Variants in GH2 observed in about 807,000 individuals in gnomAD.
The protein encoded by GH2 is growth hormone variant.
Under a neutral mutation model 24.1 loss-of-function variants are expected in GH2, and 17 were observed. The observed-to-expected ratio is 0.71, with a 90% CI of 0.48 to 1.06. GH2 has a LOEUF of 1.06. GH2 is among the 50% of genes least tolerant of loss of function. The pLI is 0.00. For synonymous variants in GH2, 126 were observed against 118.7 expected, an observed-to-expected ratio of 1.06 and a Z score of -0.40; for missense variants, 305 against 273.1, an observed-to-expected ratio of 1.12 and a Z score of -0.82.
Position 63,881,835 on chromosome 17 carries a change from T to G in GH2, c.-34A>C. ...GGTGAGCTGTCCACAGGACCCTGAG[T>G]GGTTCGGGGAGTTGGGCCTTGGGAT... is the stretch of plus-strand genomic sequence containing the variant. On this transcript the variant is annotated 5_prime_UTR_variant, in exon 1 of 5. Transcript: ENST00000423893. 1 of 1,613,644 alleles carries G rather than the reference T, an allele frequency of 6.2e-7. No individual in the cohort carries two copies. Among genetic ancestry groups the G allele is most frequent in the South Asian group, 1.1e-5 (1 of 91,058 alleles).
Position 63,880,301 on chromosome 17 carries a change from C to G in GH2, c.*20G>C. On this transcript the variant is annotated 3_prime_UTR_variant, in exon 5 of 5. Transcript: ENST00000423893. Reference sequence around the variant, plus strand: ...CAGGAGAGGCACTGGGGAGGGGTCACAGGGATGCCACCCGGGCAGCTAGAA... The same window carrying G: ...CAGGAGAGGCACTGGGGAGGGGTCAGAGGGATGCCACCCGGGCAGCTAGAA... The G allele has an allele frequency of 1.9e-6, 3 of 1,613,798 alleles. No homozygotes were observed. Among genetic ancestry groups the G allele is most frequent in the Non-Finnish European group, 2.5e-6 (3 of 1,179,796 alleles).
chr17:63,881,416 G>C lies in GH2; in HGVS notation c.114C>G (p.Asn38Lys), dbSNP rs138272443. 6.2e-7 allele frequency: 1 copy of C among 1,613,980 alleles called. No homozygotes were observed. The highest frequency in any genetic ancestry group is 1.7e-5 in the Admixed American group (1 of 60,002). The change falls in exon 2 of 5, where the codon AAC (asparagine) becomes AAG (lysine). Residue 38 changes from asparagine to lysine, a missense_variant. Asn to Lys is a moderately conservative substitution (Grantham distance 94). Coordinates refer to ENST00000423893, the MANE Select transcript of GH2 (RefSeq NM_002059.5). The stretch of plus-strand genomic sequence containing the variant: ...ACAGGCGACGGGCGCGGAGCATAGC[G>C]TTGTCAAAAAGCCTGGATAAGGGAA... Reference protein sequence around the residue: ...PTIPLSRLFDNAMLRARRLYQ... With the variant: ...PTIPLSRLFDKAMLRARRLYQ...
chr17:63,880,491 C>G lies in GH2; in HGVS notation c.484G>C (p.Gly162Arg). 1 of 1,613,804 alleles carries G rather than the reference C, an allele frequency of 6.2e-7. No individual in the cohort carries two copies. Among genetic ancestry groups the G allele is most frequent in the Admixed American group, 1.7e-5 (1 of 60,002 alleles). ...WRLEDGSPRT[G>R]QIFNQSYSKF... ...CTGTAGGACTGATTGAAGATCTGCC[C>G]AGTCCGGGGGCTGCCATCTTCCAGC... The change falls in exon 5 of 5, where the codon GGG becomes CGG. Residue 162 changes from glycine to arginine, a missense_variant. By Grantham distance (125) the Gly-to-Arg change is moderately radical. Coordinates refer to ENST00000423893, the MANE Select transcript of GH2 (RefSeq NM_002059.5).
In GH2 at chr17:63,880,971, C is replaced by CG. The variant is rs1199130563; in HGVS notation, c.292-36dup. ...AAGGACCGGCAGTGGCTGTGCTGCCCGGGGGCTCTGACCACAGGTCTACCC... is the reference window on the plus strand; with the variant it reads ...AAGGACCGGCAGTGGCTGTGCTGCCCGGGGGGCTCTGACCACAGGTCTACCC... On this transcript the variant is annotated intron_variant, in intron 3 of 4. Coordinates refer to ENST00000423893, the MANE Select transcript of GH2 (RefSeq NM_002059.5). 3.7e-6 allele frequency: 6 copies of CG among 1,614,060 alleles called. No individual in the cohort carries two copies. The South Asian group carries it at 4.4e-5, about 12-fold the overall frequency.
chr17:63,880,548 C>T, intron 4 of GH2, 30 bp from the exon 5 acceptor site: 2 of 1,613,812 alleles, frequency 1.2e-6, no homozygotes, highest in Non-Finnish European at 1.7e-6. Flanking sequence ...AAGGAGAGGC[C>T]AAGCGCTTGG....
At position 63,880,414 on chromosome 17, in the gene GH2, C is replaced by A; in HGVS notation, c.561G>T (p.Gly187=). The A allele has an allele frequency of 6.2e-7, 1 of 1,613,764 alleles. No homozygotes were observed. Among genetic ancestry groups the A allele is most frequent in the South Asian group, 1.1e-5 (1 of 91,068 alleles). ...TGTCCTTCCTGAAGCAGTAGAGCAG[C>A]CCGTAGTTCTTGAGCAGTGCGTCAT... ...HNDDALLKNY[G]LLYCFRKDMD... is the part of the protein sequence containing the mutation. The change falls in exon 5 of 5, where the codon GGG becomes GGT. Residue 187 remains glycine, a synonymous_variant. Coordinates refer to ENST00000423893, the MANE Select transcript of GH2 (RefSeq NM_002059.5).
Position 63,880,485 on chromosome 17 carries a change from T to A in GH2, c.490A>T (p.Ile164Phe), listed in dbSNP as rs369036665. ...LEDGSPRTGQ[I>F]FNQSYSKFDT... ...AACTTGCTGTAGGACTGATTGAAGA[T>A]CTGCCCAGTCCGGGGGCTGCCATCT... Residue 164 changes from isoleucine (I) to phenylalanine (F), a missense_variant, in exon 5 of 5, where the codon ATC becomes TTC. By Grantham distance (21) the Ile-to-Phe change is conservative. Transcript: ENST00000423893. The A allele has an allele frequency of 2.5e-6, 4 of 1,613,722 alleles. No individual in the cohort carries two copies. In the African/African-American group the frequency reaches 5.3e-5, roughly 22 times the overall value.
chr17:63,880,535 G>A lies in GH2; in HGVS notation c.457-17C>T, dbSNP rs1555586566. 3.7e-6 allele frequency: 6 copies of A among 1,613,854 alleles called. No homozygotes were observed. Among genetic ancestry groups the A allele is most frequent in the East Asian group, 2.2e-5 (1 of 44,880 alleles). ...TTCCAGCCTCTGCAAAGTGAAGGAA[G>A]AGAAGGAGAGGCCAAGCGCTTGGGC... is the stretch of plus-strand genomic sequence containing the variant. On this transcript the variant is annotated splice_polypyrimidine_tract_variant and intron_variant, in intron 4 of 4. Transcript: ENST00000423893.
chr17:63,881,089 G>C lies in GH2; in HGVS notation c.231C>G (p.Ser77=). 1 of 1,614,058 alleles carries C rather than the reference G, an allele frequency of 6.2e-7. No homozygotes were observed. The highest frequency in any genetic ancestry group is 8.5e-7 in the Non-Finnish European group (1 of 1,179,928). ...TTGGAATAGACTCTGAGAAGCAGAG[G>C]GAGGTCTGGGGGTTCTGCAGGAATG... The part of the protein sequence containing the change: ...KYSFLQNPQT[S]LCFSESIPTP... Residue 77 remains serine (S), a synonymous_variant, in exon 3 of 5, where the codon TCC becomes TCG. Transcript: ENST00000423893.
In GH2 at chr17:63,880,796, C is replaced by T; in HGVS notation, c.432G>A (p.Glu144=). ...CCCACATCAGCGTTTGGATGCCTTC[C>T]TCTAGGTCCTTCAGGTGGCGATAGA... ...SNVYRHLKDL[E]EGIQTLMWRL... Residue 144 remains glutamate (E), a synonymous_variant, in exon 4 of 5, where the codon GAG becomes GAA. Coordinates refer to ENST00000423893, the MANE Select transcript of GH2 (RefSeq NM_002059.5). 1 of 1,614,104 alleles carries T rather than the reference C, an allele frequency of 6.2e-7. No individual in the cohort carries two copies. Among genetic ancestry groups the T allele is most frequent in the Admixed American group, 1.7e-5 (1 of 60,018 alleles).
chr17:63,881,300 C>CG, intron 2 of GH2, 59 bp downstream of exon 2: 1 of 1,610,700 alleles, frequency 6.2e-7, no homozygotes, highest in Non-Finnish European at 8.5e-7. Context: ...TACTTCCCAG[C>CG]GGGGGAAAGT....
At position 63,880,994 on chromosome 17, in the gene GH2, C is replaced by T. The variant is rs1276307147; in HGVS notation, c.291+35G>A. The T allele has an allele frequency of 5.0e-6, 8 of 1,613,982 alleles. No homozygotes were observed. In the African/African-American group the frequency reaches 9.3e-5, roughly 19 times the overall value. On this transcript the variant is annotated intron_variant, in intron 3 of 4. Coordinates refer to ENST00000423893, the MANE Select transcript of GH2 (RefSeq NM_002059.5). Reference sequence around the variant, plus strand: ...CCCGGGGGCTCTGACCACAGGTCTACCCCATCCCCACCTGGGGAGAAGGCA... The same window carrying T: ...CCCGGGGGCTCTGACCACAGGTCTATCCCATCCCCACCTGGGGAGAAGGCA...
chr17:63,880,795 C>A lies in GH2; in HGVS notation c.433G>T (p.Glu145Ter). 6.2e-7 allele frequency: 1 copy of A among 1,614,090 alleles called. No individual in the cohort carries two copies. Among genetic ancestry groups the A allele is most frequent in the Non-Finnish European group, 8.5e-7 (1 of 1,179,964 alleles). The change falls in exon 4 of 5, where the codon GAA (glutamate) becomes TAA (stop). Residue 145 changes from glutamate to a stop codon, truncating the protein, a stop_gained. Coordinates refer to ENST00000423893, the MANE Select transcript of GH2 (RefSeq NM_002059.5). LOFTEE classifies it high-confidence loss of function. ...NVYRHLKDLE[E>*]GIQTLMWRLE... The stretch of plus-strand genomic sequence containing the variant: ...ACCCACATCAGCGTTTGGATGCCTT[C>A]CTCTAGGTCCTTCAGGTGGCGATAG...
chr17:63,881,006 C>A (rs1268987149), intron 3 of GH2, 23 bp downstream of exon 3: 1 of 1,614,080 alleles, frequency 6.2e-7, no homozygotes, highest in South Asian at 1.1e-5. Flanking sequence ...CCATCCCCAC[C>A]TGGGGAGAAG....
Position 63,881,914 on chromosome 17 carries a change from T to A in GH2, c.-113A>T, listed in dbSNP as rs771218585. The A allele has an allele frequency of 2.4e-5, 38 of 1,607,076 alleles. No individual in the cohort carries two copies. The highest frequency in any genetic ancestry group is 3.1e-5 in the Non-Finnish European group (36 of 1,176,268). ...TTATACCTGGCCCCTTCTCTCTCGC[T>A]GCTTCTCCTCACCTGTTTCTCTGCA... is the stretch of plus-strand genomic sequence containing the variant. On this transcript the variant is annotated 5_prime_UTR_variant, in exon 1 of 5. Transcript: ENST00000423893.
chr17:63,881,175 C>A, intron 2 of GH2, 27 bp from the exon 3 acceptor site: 1 of 1,614,054 alleles, frequency 6.2e-7, no homozygotes, highest in Non-Finnish European at 8.5e-7. Context: ...CCACCAAGGT[C>A]TATGCTGGAG....
intron 4 of GH2, 53 bp from the exon 5 acceptor site, chr17:63,880,571 C>T: frequency 6.2e-7 from 1 of 1,613,868 alleles, no homozygotes; most frequent in East Asian, 2.2e-5. Context: ...ACTGTTCCCT[C>T]CCTCTCTCAT....
In GH2 at chr17:63,880,782, G is replaced by A. The variant is rs1386473073; in HGVS notation, c.446C>T (p.Thr149Met). Residue 149 changes from threonine to methionine, a missense_variant, in exon 4 of 5, where the codon ACG becomes ATG. Thr to Met is a moderately conservative substitution (Grantham distance 81). Coordinates refer to ENST00000423893, the MANE Select transcript of GH2 (RefSeq NM_002059.5). Reference protein sequence around the residue: ...HLKDLEEGIQTLMWRLEDGSP... With the variant: ...HLKDLEEGIQMLMWRLEDGSP... ...TGGTGCCACCCTCACCCACATCAGC[G>A]TTTGGATGCCTTCCTCTAGGTCCTT... The A allele has an allele frequency of 2.5e-6, 4 of 1,614,068 alleles. No homozygotes were observed. The Admixed American group carries it at 6.7e-5, about 27-fold the overall frequency.
Position 63,881,455 on chromosome 17 carries a change from A to G in GH2, c.75T>C (p.Ser25=), listed in dbSNP as rs1322483392. ...LLCLSWLQEG[S]AFPTIPLSRL... ...TGGATAAGGGAATGGTTGGGAAGGC[A>G]CTGCCCTCTTGAAGCCAGGACAGGC... Residue 25 remains serine (S), a synonymous_variant, in exon 2 of 5, where the codon AGT becomes AGC. Coordinates refer to ENST00000423893, the MANE Select transcript of GH2 (RefSeq NM_002059.5). 1 of 1,614,046 alleles carries G rather than the reference A, an allele frequency of 6.2e-7. No individual in the cohort carries two copies. The highest frequency in any genetic ancestry group is 1.1e-5 in the South Asian group (1 of 91,070).
Sources: gnomAD v4.1 joint callset for allele counts on GRCh38, gnomAD v4.1.1 for gene constraint, MANE v1.5 for transcripts, NCBI Gene and HGNC (gene_info 2026-07-23, HGNC 2026-07-21) for gene names.